The following GRK5 variants were observed in gnomAD, a reference collection of about 807,000 sequenced individuals.
The protein encoded by GRK5 is g protein-coupled receptor kinase GRK5.
A neutral mutation model predicts 78.4 loss-of-function variants in GRK5; 40 were observed. The observed-to-expected ratio is 0.51, with a 90% CI of 0.40 to 0.66. The LOEUF (loss-of-function observed/expected upper bound fraction) is 0.66, where lower values mean the gene tolerates loss of function less well. Among genes scored for constraint, GRK5 ranks in the 30% least tolerant of loss-of-function variants. GRK5 has a pLI of 0.00. For missense variants in GRK5, 598 were observed against 759.9 expected, an observed-to-expected ratio of 0.79 and a Z score of 2.50; for synonymous variants, 289 against 296.8, an observed-to-expected ratio of 0.97 and a Z score of 0.27.
Position 119,426,806 on chromosome 10 carries a change from C to T in GRK5, c.533+1721C>T, listed in dbSNP as rs540614988. Among the ~76,000 whole-genome samples the T allele has an allele frequency of 1.7e-3, 265 of 151,944 alleles. 2 individuals carry two copies. Among genetic ancestry groups the T allele is most frequent in the African/African-American group, 6.0e-3 (249 of 41,406 alleles). On this transcript the variant is annotated intron_variant, in intron 6 of 15. Coordinates refer to ENST00000392870, the MANE Select transcript of GRK5 (RefSeq NM_005308.3). ...TCAACAGCATCACCACCTTCATCAACATCACCACCATCATCAGCATCATCA... is the reference window on the plus strand; with the variant it reads ...TCAACAGCATCACCACCTTCATCAATATCACCACCATCATCAGCATCATCA...
chr10:119,406,443 T>C (rs900605566), intron 4 of GRK5: 3 of 983,522 alleles, frequency 3.1e-6, no homozygotes, highest in Non-Finnish European at 3.6e-6. Context: ...ACCAAGGGTG[T>C]GAAATATGGG....
chr10:119,356,999 A>T (rs969113922), intron 2 of GRK5, among the ~76,000 whole-genome samples: 1 of 152,220 alleles, frequency 6.6e-6, no homozygotes, highest in Non-Finnish European at 1.5e-5. Context: ...GTCTTTGCCC[A>T]CCAAAGAACA....
intron 6 of GRK5, among the ~76,000 whole-genome samples, chr10:119,429,208 T>C (rs1564931740): frequency 6.6e-6 from 1 of 152,110 alleles, no homozygotes; most frequent in Non-Finnish European, 1.5e-5. Context: ...AAATTCAAGA[T>C]GGGGTGCCAG....
In GRK5 at chr10:119,313,245, ATGGTGGTGGTGATGGTGG is replaced by A. The variant is rs1358896197; in HGVS notation, c.53-13266_53-13249del. 3.0e-3 allele frequency among the ~76,000 whole-genome samples: 322 copies of A among 107,030 alleles called. 3 individuals carry two copies. The highest frequency in any genetic ancestry group is 0.023 in the East Asian group (73 of 3,212). The allele number at this position is 107,030 out of a possible 152,430, so 70.2% of individuals were successfully genotyped here. On this transcript the variant is annotated intron_variant, in intron 1 of 15. Transcript: ENST00000392870. ...GACGGTAGTGATGATGGTGGTGGTA[ATGGTGGTGGTGATGGTGG>A]TGGTAATAGTGGTGATGGGGATGGT...
At chr10:119,221,784 A>G (rs139596448) in intron 1 of GRK5, among the ~76,000 whole-genome samples, 179 of 152,272 alleles carry the variant, frequency 1.2e-3, no homozygotes, top group Non-Finnish European at 1.9e-3. Flanking sequence ...AGGGATGTAC[A>G]ATGTAGATTT....
At chr10:119,450,183 G>A (rs906386526) in intron 13 of GRK5, among the ~76,000 whole-genome samples, 6 of 152,180 alleles carry the variant, frequency 3.9e-5, no homozygotes, top group South Asian at 2.1e-4. Context: ...GCTGATGTCC[G>A]AAATTGGAGA....
chr10:119,224,034 A>T (rs1375609000), intron 1 of GRK5, among the ~76,000 whole-genome samples: 1 of 152,118 alleles, frequency 6.6e-6, no homozygotes, highest in Non-Finnish European at 1.5e-5. Flanking sequence ...GGTGGCACTC[A>T]CCTGTAGTCC....
At chr10:119,208,808 AAG>A (rs1491091892) in intron 1 of GRK5, among the ~76,000 whole-genome samples, 3 of 152,090 alleles carry the variant, frequency 2.0e-5, no homozygotes, top group African/African-American at 4.8e-5. Flanking sequence ...AAACAGAAAA[AAG>A]GGGGGGGAGG....
Position 119,304,932 on chromosome 10 carries a change from C to T in GRK5, c.53-21584C>T, listed in dbSNP as rs76338194. Reference sequence around the variant, plus strand: ...CCCTTGCTCTTTTCTTCCTCCTTTTCTTCCCTTCCTTCTTCCCTACCTGTT... The same window carrying T: ...CCCTTGCTCTTTTCTTCCTCCTTTTTTTCCCTTCCTTCTTCCCTACCTGTT... On this transcript the variant is annotated intron_variant, in intron 1 of 15. Coordinates refer to ENST00000392870, the MANE Select transcript of GRK5 (RefSeq NM_005308.3). Among the ~76,000 whole-genome samples the T allele has an allele frequency of 4.7e-3, 717 of 152,240 alleles. 9 individuals are homozygous for T. Among genetic ancestry groups the T allele is most frequent in the African/African-American group, 0.017 (696 of 41,542 alleles).
At chr10:119,349,903 C>T (rs1851164069) in intron 2 of GRK5, among the ~76,000 whole-genome samples, 2 of 152,264 alleles carry the variant, frequency 1.3e-5, no homozygotes, top group Admixed American at 6.5e-5. Context: ...CCTGTCTTCA[C>T]TCCCTGTGGA....
chr10:119,241,293 C>T (rs1487161898), intron 1 of GRK5, among the ~76,000 whole-genome samples: 2 of 152,124 alleles, frequency 1.3e-5, no homozygotes, highest in Non-Finnish European at 2.9e-5. Flanking sequence ...TCATAGACTG[C>T]GGTTTCCTAC....
chr10:119,213,627 A>G (rs557413195), intron 1 of GRK5, among the ~76,000 whole-genome samples: 2 of 152,360 alleles, frequency 1.3e-5, no homozygotes, highest in South Asian at 2.1e-4. Context: ...AATATTCTAA[A>G]TATTGAAAAG....
intron 13 of GRK5, among the ~76,000 whole-genome samples, chr10:119,451,746 G>T (rs1251038411): frequency 6.6e-6 from 1 of 152,246 alleles, no homozygotes; most frequent in Non-Finnish European, 1.5e-5. Context: ...AGAGCAGACT[G>T]GAGGGGAGAG....
intron 1 of GRK5, among the ~76,000 whole-genome samples, chr10:119,298,772 T>A (rs947266163): frequency 6.6e-6 from 1 of 152,172 alleles, no homozygotes; most frequent in African/African-American, 2.4e-5. Context: ...TGCTCTGGCA[T>A]GTTCAGCTTT....
At chr10:119,209,228 G>T (rs974032277) in intron 1 of GRK5, among the ~76,000 whole-genome samples, 5 of 152,130 alleles carry the variant, frequency 3.3e-5, no homozygotes, top group Admixed American at 1.3e-4. Context: ...ATAGCCTTCC[G>T]TGGGCAGCGT....
chr10:119,289,940 A>T (rs1212890214), intron 1 of GRK5, among the ~76,000 whole-genome samples: 1 of 152,190 alleles, frequency 6.6e-6, no homozygotes, highest in Non-Finnish European at 1.5e-5. Context: ...GGTCAGCTGT[A>T]CTTACCGGCT....
intron 11 of GRK5, among the ~76,000 whole-genome samples, chr10:119,442,301 C>G (rs2133907690): frequency 6.6e-6 from 1 of 152,350 alleles, no homozygotes; most frequent in East Asian, 1.9e-4. Context: ...GCTCTGAGCT[C>G]TCTGCACTCC....
chr10:119,311,631 C>T (rs186088032), intron 1 of GRK5, among the ~76,000 whole-genome samples: 55 of 152,106 alleles, frequency 3.6e-4, no homozygotes, highest in African/African-American at 1.1e-3. Context: ...ACTAAAAATA[C>T]AAAAATTAGC....
chr10:119,379,076 T>G lies in GRK5; in HGVS notation c.149-1739T>G, dbSNP rs117308766. On this transcript the variant is annotated intron_variant, in intron 2 of 15. Transcript: ENST00000392870. The surrounding 1 kb of genome is among the most constrained non-coding windows in gnomAD (Gnocchi z 4.1). ...AGGCTTGGGTTGAATTGGTGCAGAC[T>G]GGGAGAAAGGAGGTTCCCTAAAGGA... is the stretch of plus-strand genomic sequence containing the variant. Among the ~76,000 whole-genome samples, 78 of 152,310 alleles carry G rather than the reference T, an allele frequency of 5.1e-4. 1 individual carries two copies. In the East Asian group the frequency reaches 0.015, roughly 29 times the overall value.
Sources: gnomAD v4.1 joint callset for allele counts (sites outside exome capture counted in the v4.1 genomes callset) on GRCh38, gnomAD v4.1.1 for gene constraint, Gnocchi (gnomAD v3.1) non-coding constraint, MANE v1.5 for transcripts, NCBI Gene and HGNC (gene_info 2026-07-23, HGNC 2026-07-21) for gene names.